Variants in MIR2052HG observed in about 807,000 individuals in gnomAD.
MIR2052HG encodes the protein MIR2052 host gene.
At chr8:74,647,521 A>G (rs1808702124) in intron 2 of MIR2052HG, among the ~76,000 whole-genome samples, 2 of 152,100 alleles carry the variant, frequency 1.3e-5, no homozygotes, top group African/African-American at 4.8e-5. Flanking sequence ...CTCTCTTATA[A>G]GTTTTTTCAT....
intron 2 of MIR2052HG, among the ~76,000 whole-genome samples, chr8:74,668,378 A>G (rs917658318): frequency 1.3e-5 from 2 of 152,204 alleles, no homozygotes; most frequent in Non-Finnish European, 2.9e-5. Context: ...AGATGTTACA[A>G]AGACTTGTTT....
At chr8:74,643,018 C>T (rs1200418524) in intron 2 of MIR2052HG, among the ~76,000 whole-genome samples, 1 of 152,190 alleles carries the variant, frequency 6.6e-6, no homozygotes, top group East Asian at 1.9e-4. Context: ...TCCATTCCCT[C>T]CAACAATTGG....
At chr8:74,637,547 G>A (rs1490276585) in intron 2 of MIR2052HG, among the ~76,000 whole-genome samples, 1 of 152,140 alleles carries the variant, frequency 6.6e-6, no homozygotes, top group Non-Finnish European at 1.5e-5. Flanking sequence ...CTTAAGCCAT[G>A]TTTTAACTTT....
intron 2 of MIR2052HG, among the ~76,000 whole-genome samples, chr8:74,663,179 A>G (rs1808885383): frequency 6.6e-6 from 1 of 152,186 alleles, no homozygotes; most frequent in African/African-American, 2.4e-5. Context: ...ATTCTTTGAA[A>G]AAGTGAAAGT....
At chr8:74,605,460 T>C (rs1251902009) in intron 1 of MIR2052HG, among the ~76,000 whole-genome samples, 1 of 152,238 alleles carries the variant, frequency 6.6e-6, no homozygotes, top group Non-Finnish European at 1.5e-5. Context: ...GAAATAAGCT[T>C]GTGAGTATCC....
intron 1 of MIR2052HG, chr8:74,603,158 T>C (rs1205055375): frequency 1.4e-6 from 1 of 728,694 alleles, no homozygotes; most frequent in Non-Finnish European, 2.4e-6. Context: ...GAGTGGATGA[T>C]AAAGTGTGTA....
At chr8:74,636,206 T>C (rs1337864791) in intron 2 of MIR2052HG, among the ~76,000 whole-genome samples, 1 of 152,156 alleles carries the variant, frequency 6.6e-6, no homozygotes, top group Non-Finnish European at 1.5e-5. Context: ...TCCAGAAGGT[T>C]CAGAAGTTGA....
At chr8:74,653,503 A>G (rs1808773605) in intron 2 of MIR2052HG, among the ~76,000 whole-genome samples, 1 of 152,164 alleles carries the variant, frequency 6.6e-6, no homozygotes, top group Non-Finnish European at 1.5e-5. Flanking sequence ...GTGTCATGCT[A>G]ATCAAAGATT....
At chr8:74,630,390 T>C (rs965989122) in intron 2 of MIR2052HG, among the ~76,000 whole-genome samples, 1 of 151,934 alleles carries the variant, frequency 6.6e-6, no homozygotes, top group Admixed American at 6.6e-5. Flanking sequence ...TATTTGCAAA[T>C]GTCCATTTTT....
chr8:74,727,574 T>A (rs1411950885), intron 4 of MIR2052HG, among the ~76,000 whole-genome samples: 1 of 152,230 alleles, frequency 6.6e-6, no homozygotes, highest in African/African-American at 2.4e-5. Context: ...ATTTTTTAAA[T>A]GCTGGTTTGA....
At chr8:74,632,166 C>T (rs746183941) in intron 2 of MIR2052HG, among the ~76,000 whole-genome samples, 8 of 152,164 alleles carry the variant, frequency 5.3e-5, no homozygotes, top group African/African-American at 1.2e-4. Flanking sequence ...CCTTTGCAGG[C>T]GATCCTTATG....
intron 2 of MIR2052HG, among the ~76,000 whole-genome samples, chr8:74,622,492 T>C (rs1169521246): frequency 6.6e-6 from 1 of 152,102 alleles, no homozygotes; most frequent in Non-Finnish European, 1.5e-5. Flanking sequence ...CAGTCCCTGC[T>C]ACTTGGGAGG....
chr8:74,612,226 A>G (rs1459654627), intron 1 of MIR2052HG, among the ~76,000 whole-genome samples: 1 of 152,310 alleles, frequency 6.6e-6, no homozygotes, highest in East Asian at 1.9e-4. Flanking sequence ...AGCACATTCT[A>G]CAGGTATCCT....
chr8:74,718,313 G>A (rs1173628148), intron 4 of MIR2052HG, among the ~76,000 whole-genome samples: 8 of 152,062 alleles, frequency 5.3e-5, no homozygotes, highest in Non-Finnish European at 1.0e-4. Flanking sequence ...GATGACAGGG[G>A]CCTTTTCTTT....
intron 4 of MIR2052HG, among the ~76,000 whole-genome samples, chr8:74,710,184 TG>T (rs1179949166): frequency 6.6e-6 from 1 of 152,094 alleles, no homozygotes; most frequent in Non-Finnish European, 1.5e-5. Context: ...CTGGTTCCTT[TG>T]GGGGAAAGAA....
At chr8:74,611,695 A>G (rs530637429) in intron 1 of MIR2052HG, among the ~76,000 whole-genome samples, 1 of 152,312 alleles carries the variant, frequency 6.6e-6, no homozygotes, top group South Asian at 2.1e-4. Flanking sequence ...GTAATGTTTC[A>G]TGATTATAAA....
intron 2 of MIR2052HG, among the ~76,000 whole-genome samples, chr8:74,672,606 A>G (rs1433257957): frequency 1.3e-5 from 2 of 152,088 alleles, no homozygotes; most frequent in African/African-American, 4.8e-5. Flanking sequence ...GAGAATGGGA[A>G]GAACACTGAC....
rs191992099 is a variant in MIR2052HG, at chr8:74,670,854, A to G, written n.217-31525A>G. Among the ~76,000 whole-genome samples, 284 of 152,212 alleles carry G rather than the reference A, an allele frequency of 1.9e-3. 1 individual carries two copies. Among genetic ancestry groups the G allele is most frequent in the Non-Finnish European group, 2.5e-3 (167 of 67,994 alleles). On this transcript the variant is annotated intron_variant and non_coding_transcript_variant, in intron 2 of 6. Coordinates refer to ENST00000523442, the Ensembl canonical transcript of MIR2052HG. ...GGGTTTTAATATAATTTTTAAATAA[A>G]CGATTTCTTTCTCTTTTTTTTTCTT...
intron 2 of MIR2052HG, among the ~76,000 whole-genome samples, chr8:74,656,554 C>T (rs1808809328): frequency 6.6e-6 from 1 of 152,174 alleles, no homozygotes; most frequent in Non-Finnish European, 1.5e-5. Context: ...TACCTTTCAC[C>T]TCCTGCCATG....
Sources: gnomAD v4.1 joint callset for allele counts (sites outside exome capture counted in the v4.1 genomes callset) on GRCh38, gnomAD v4.1.1 for gene constraint, MANE v1.5 for transcripts, NCBI Gene and HGNC (gene_info 2026-07-23, HGNC 2026-07-21) for gene names.